CACNA1C: variants seen among roughly 807,000 people sequenced by gnomAD.
CACNA1C encodes the protein voltage-dependent L-type calcium channel subunit alpha-1C.
CACNA1C carries 30 observed loss-of-function variants against 229.0 expected under a neutral mutation model. That is an observed-to-expected ratio of 0.13 (90% CI 0.10 to 0.18). CACNA1C has a LOEUF of 0.18. Among genes scored for constraint, CACNA1C ranks in the 10% least tolerant of loss-of-function variants. CACNA1C has a pLI of 1.00. For missense variants in CACNA1C, 1,658 were observed against 2,845.0 expected (o/e 0.58, Z 9.49); for synonymous variants, 1,114 against 1,132.5 (o/e 0.98, Z 0.33).
intron 1 of CACNA1C, among the ~76,000 whole-genome samples, chr12:2,021,814 T>G (rs1177728974): frequency 6.6e-6 from 1 of 152,218 alleles, no homozygotes; most frequent in African/African-American, 2.4e-5. Context: ...CAAGTCCTTT[T>G]CATGGTGGTG....
intron 3 of CACNA1C, among the ~76,000 whole-genome samples, chr12:2,345,483 A>G (rs1021482250): frequency 1.3e-5 from 2 of 152,252 alleles, no homozygotes; most frequent in Non-Finnish European, 2.9e-5. Flanking sequence ...TTTATTACAC[A>G]TACTAACTCA....
chr12:2,066,355 A>G (rs2059272000), intron 1 of CACNA1C, among the ~76,000 whole-genome samples: 1 of 152,154 alleles, frequency 6.6e-6, no homozygotes, highest in African/African-American at 2.4e-5. Context: ...GAAGACAGAC[A>G]GGAGGAGGGT....
rs1002833026 is a variant in CACNA1C at position 2,248,743 on chromosome 12, G to A, written c.477+128313G>A. 2.6e-5 allele frequency among the ~76,000 whole-genome samples: 4 copies of A among 152,358 alleles called. No homozygotes were observed. In the South Asian group the frequency reaches 6.2e-4, roughly 24 times the overall value. On this transcript the variant is annotated intron_variant, in intron 3 of 46. Coordinates refer to ENST00000399655, the MANE Select transcript of CACNA1C (RefSeq NM_000719.7). ...AGACAGGAGCGGATGTTGCCTCCTGGCAAGAGGGCCTCACGGTGTGGAGGG... is the reference window on the plus strand; with the variant it reads ...AGACAGGAGCGGATGTTGCCTCCTGACAAGAGGGCCTCACGGTGTGGAGGG...
intron 3 of CACNA1C, among the ~76,000 whole-genome samples, chr12:2,184,963 G>A (rs1403068470): frequency 6.6e-6 from 1 of 152,196 alleles, no homozygotes; most frequent in Non-Finnish European, 1.5e-5. Flanking sequence ...CTAAGGAAAG[G>A]CATGTGGAGC....
chr12:2,199,017 G>C (rs767824950), intron 3 of CACNA1C, among the ~76,000 whole-genome samples: 15 of 152,068 alleles, frequency 9.9e-5, no homozygotes, highest in Non-Finnish European at 1.9e-4. Flanking sequence ...TGTCCTTTTT[G>C]AGATACATCG....
At chr12:2,133,565 C>T in intron 3 of CACNA1C, among the ~76,000 whole-genome samples, 1 of 23,792 alleles carries the variant, frequency 4.2e-5, no homozygotes, top group Admixed American at 4.3e-4. Flanking sequence ...CGTTATGTAC[C>T]CAGTAGTCAT....
intron 3 of CACNA1C, among the ~76,000 whole-genome samples, chr12:2,398,398 C>G (rs2098625766): frequency 6.6e-6 from 1 of 152,212 alleles, no homozygotes; most frequent in South Asian, 2.1e-4. Context: ...CTTTTCCAAA[C>G]TATATGCCCT....
chr12:2,169,417 G>C (rs929129746), intron 3 of CACNA1C, among the ~76,000 whole-genome samples: 3 of 152,174 alleles, frequency 2.0e-5, no homozygotes, highest in African/African-American at 7.2e-5. Flanking sequence ...TTGGCCTGAG[G>C]ATATTCACCA....
At chr12:2,089,954 G>T (rs536003265) in intron 1 of CACNA1C, among the ~76,000 whole-genome samples, 1 of 152,224 alleles carries the variant, frequency 6.6e-6, no homozygotes, top group East Asian at 1.9e-4. Flanking sequence ...GCGTGAACCC[G>T]GGAGGCGGAG....
At chr12:2,400,770 C>G (rs1261213326) in intron 3 of CACNA1C, among the ~76,000 whole-genome samples, 40 of 152,128 alleles carry the variant, frequency 2.6e-4, no homozygotes, top group Non-Finnish European at 8.8e-5. Context: ...GTGCACGGCC[C>G]TGACAGTGCC....
At position 2,215,950 on chromosome 12, in the gene CACNA1C, AC is replaced by A. The variant is rs1469204971; in HGVS notation, c.477+95522del. On this transcript the variant is annotated intron_variant, in intron 3 of 46. Transcript: ENST00000399655. The surrounding 1 kb of genome is among the most constrained non-coding windows in gnomAD (Gnocchi z 5.0). ...GGGAACTCATCCTGTTCTCGAAGTC[AC>A]CATGCCGCCCATCAGTTGACATGCT... Among the ~76,000 whole-genome samples the A allele has an allele frequency of 9.8e-5, 15 of 152,332 alleles. No homozygotes were observed. The highest frequency in any genetic ancestry group is 1.0e-4 in the Non-Finnish European group (7 of 68,018).
Position 1,971,678 on chromosome 12 carries a change from T to A in CACNA1C, c.139+477T>A, listed in dbSNP as rs1436569756. Among the ~76,000 whole-genome samples the A allele has an allele frequency of 6.6e-6, 1 of 152,224 alleles. No individual in the cohort carries two copies. The highest frequency in any genetic ancestry group is 6.5e-5 in the Admixed American group (1 of 15,290). ...CTAGTTAAGGGGCCATTAAAGGCAG[T>A]GTCATGTCAGCGTCATTCAAATGTA... is the stretch of plus-strand genomic sequence containing the variant. On this transcript the variant is annotated intron_variant, in intron 1 of 46. Transcript: ENST00000682462. This position sits in a 1 kb window ranked among gnomAD's most constrained non-coding sequence, Gnocchi z 4.2.
rs1370537288 is a variant in CACNA1C, at chr12:2,255,274, A to AC, written c.477+134844_477+134845insC. Among the ~76,000 whole-genome samples the AC allele has an allele frequency of 2.2e-4, 34 of 152,192 alleles. No individual in the cohort carries two copies. The East Asian group carries it at 6.6e-3, about 29-fold the overall frequency. On this transcript the variant is annotated intron_variant, in intron 3 of 46. Transcript: ENST00000399655. ...TGCTCAGCATTCTGCTGCAGAAAAA[A>AC]AAAAAAAAAAAACCTAGTTACTAGG...
chr12:2,412,072 C>G (rs896200587), intron 3 of CACNA1C, among the ~76,000 whole-genome samples: 7 of 152,122 alleles, frequency 4.6e-5, no homozygotes, highest in African/African-American at 1.7e-4. Flanking sequence ...CCAAGCCCCC[C>G]CCATGCCCAC....
At chr12:2,555,631 G>A (rs541265204) in intron 10 of CACNA1C, among the ~76,000 whole-genome samples, 4 of 152,296 alleles carry the variant, frequency 2.6e-5, no homozygotes, top group East Asian at 3.9e-4. Flanking sequence ...CCTCCCACAC[G>A]CTGTTAACCT....
chr12:2,214,241 T>C (rs2059404705), intron 3 of CACNA1C, among the ~76,000 whole-genome samples: 1 of 152,184 alleles, frequency 6.6e-6, no homozygotes, highest in African/African-American at 2.4e-5. Flanking sequence ...TTGGCGCTGC[T>C]GAGGAGGGGT....
intron 3 of CACNA1C, among the ~76,000 whole-genome samples, chr12:2,269,554 TG>T (rs2083904601): frequency 6.6e-6 from 1 of 152,210 alleles, no homozygotes; most frequent in South Asian, 2.1e-4. Flanking sequence ...AGGACAGGTT[TG>T]GGTACAGCCA....
intron 3 of CACNA1C, among the ~76,000 whole-genome samples, chr12:2,164,650 A>G (rs1385061785): frequency 6.6e-6 from 1 of 152,204 alleles, no homozygotes; most frequent in East Asian, 1.9e-4. Context: ...ACAAAAGAGA[A>G]TGAGGGAGTG....
In CACNA1C at chr12:2,679,036, C is replaced by G. The variant is rs1404739869; in HGVS notation, c.5092-408C>G. On this transcript the variant is annotated intron_variant, in intron 41 of 46. Transcript: ENST00000399655. The surrounding 1 kb of genome is among the most constrained non-coding windows in gnomAD (Gnocchi z 5.5). ...ATCTGGTTAGAATCTTCTGGTCGCT[C>G]TCCCAGCCCCCGCCCTCACGGTGTG... Among the ~76,000 whole-genome samples the G allele has an allele frequency of 6.6e-6, 1 of 152,230 alleles. No homozygotes were observed. Among genetic ancestry groups the G allele is most frequent in the Non-Finnish European group, 1.5e-5 (1 of 68,044 alleles).
Sources: allele counts gnomAD v4.1 joint callset (sites outside exome capture counted in the v4.1 genomes callset), GRCh38; gene constraint gnomAD v4.1.1; non-coding constraint Gnocchi (gnomAD v3.1); transcripts MANE v1.5; gene names NCBI Gene and HGNC (gene_info 2026-07-23, HGNC 2026-07-21).